ABL1: variants seen among roughly 807,000 people sequenced by gnomAD.
ABL1 encodes the protein ABL proto-oncogene 1, non-receptor tyrosine kinase.
Under a neutral mutation model 94.7 loss-of-function variants are expected in ABL1, and 11 were observed. The observed-to-expected ratio is 0.12, with a 90% confidence interval of 0.07 to 0.19. The LOEUF is 0.19. Ranked by LOEUF, ABL1 falls within the 10% of genes least tolerant of loss-of-function variation. The pLI is 1.00. For missense variants in ABL1, 1,082 were observed against 1,489.4 expected (o/e 0.73, Z 4.50); for synonymous variants, 656 against 622.4 (o/e 1.05, Z -0.80).
chr9:130,804,307 C>T (rs113638493), intron 1 of ABL1, among the ~76,000 whole-genome samples: 1 of 151,996 alleles, frequency 6.6e-6, no homozygotes, highest in Non-Finnish European at 1.5e-5. Flanking sequence ...CGGCAGTGAG[C>T]TCACACCAGT....
In ABL1 at chr9:130,886,544, G is replaced by A. The variant is rs1831587401; in HGVS notation, c.*861G>A. 8.6e-6 allele frequency: 2 copies of A among 232,748 alleles called. No homozygotes were observed. Among genetic ancestry groups the A allele is most frequent in the African/African-American group, 2.2e-5 (1 of 44,798 alleles). The allele number at this position is 232,748 out of a possible 1,614,324, so 14.4% of individuals were successfully genotyped here. ...CAGCAGAATGGAGGCAGGGGACAAG[G>A]GAGGCAGTGGCTAGTGGGGTGAACA... On this transcript the variant is annotated 3_prime_UTR_variant, in exon 11 of 11. Coordinates refer to ENST00000318560, the MANE Select transcript of ABL1 (RefSeq NM_005157.6).
chr9:130,879,099 A>G (rs775230262), intron 8 of ABL1, among the ~76,000 whole-genome samples: 2 of 151,406 alleles, frequency 1.3e-5, no homozygotes, highest in African/African-American at 2.4e-5. Flanking sequence ...CTGGTCTCCA[A>G]CTCCCAACCT....
chr9:130,783,312 T>G (rs1387181667), intron 1 of ABL1, among the ~76,000 whole-genome samples: 2 of 152,144 alleles, frequency 1.3e-5, no homozygotes, highest in African/African-American at 4.8e-5. Context: ...GGAGACCTGA[T>G]GAGATGGAGG....
At chr9:130,860,810 G>A (rs1831058166) in intron 3 of ABL1, among the ~76,000 whole-genome samples, 1 of 152,234 alleles carries the variant, frequency 6.6e-6, no homozygotes. Flanking sequence ...GCCACCGGCA[G>A]TGAAGTAATC....
In ABL1 at chr9:130,876,797, C is replaced by CGCG. The variant is rs1554770868; in HGVS notation, c.1271-1618_1271-1617insGCG. Among the ~76,000 whole-genome samples, 305 of 129,402 alleles carry CGCG rather than the reference C, an allele frequency of 2.4e-3. 12 individuals carry two copies. The highest frequency in any genetic ancestry group is 7.3e-3 in the African/African-American group (227 of 31,306). 84.9% of individuals were successfully genotyped at this position (129,402 alleles called of 152,430 possible). On this transcript the variant is annotated intron_variant, in intron 7 of 10. Transcript: ENST00000318560. ...TGTCGCCCAGGCTGGAGTGCAGTGG[C>CGCG]ATGATCTCAGCTCACTGCAAGCTCC...
At chr9:130,756,629 G>T (rs189373878) in intron 1 of ABL1, among the ~76,000 whole-genome samples, 19 of 152,250 alleles carry the variant, frequency 1.2e-4, no homozygotes, top group Admixed American at 7.8e-4. Context: ...AGAAGTTAGG[G>T]CTAGTGTGAG....
chr9:130,838,703 T>G (rs1281457029), intron 1 of ABL1, among the ~76,000 whole-genome samples: 1 of 152,242 alleles, frequency 6.6e-6, no homozygotes, highest in Non-Finnish European at 1.5e-5. Context: ...AATTTTCTGA[T>G]TATTTCTTTC....
At chr9:130,828,582 A>G (rs184252793) in intron 1 of ABL1, among the ~76,000 whole-genome samples, 82 of 152,264 alleles carry the variant, frequency 5.4e-4, no homozygotes, top group African/African-American at 1.9e-3. Flanking sequence ...AGAACAGGTA[A>G]GAAAATTAGA....
intron 1 of ABL1, among the ~76,000 whole-genome samples, chr9:130,846,542 G>A (rs1351041084): frequency 6.6e-6 from 1 of 152,190 alleles, no homozygotes; most frequent in Non-Finnish European, 1.5e-5. Flanking sequence ...ACACTGAACC[G>A]TCTCCAAGAA....
intron 1 of ABL1, among the ~76,000 whole-genome samples, chr9:130,763,511 C>G (rs1832143390): frequency 6.6e-6 from 1 of 152,060 alleles, no homozygotes; most frequent in Non-Finnish European, 1.5e-5. Flanking sequence ...CTTGTGGTCT[C>G]TCATGAGATT....
At position 130,886,837 on chromosome 9, in the gene ABL1, A is replaced by G. The variant is rs1302512638; in HGVS notation, c.*1154A>G. 4 of 233,072 alleles carry G rather than the reference A, an allele frequency of 1.7e-5. No individual in the cohort carries two copies. The East Asian group carries it at 2.4e-4, about 14-fold the overall frequency. 14.4% of individuals were successfully genotyped at this position (233,072 alleles called of 1,614,324 possible). On this transcript the variant is annotated 3_prime_UTR_variant, in exon 11 of 11. Coordinates refer to ENST00000318560, the MANE Select transcript of ABL1 (RefSeq NM_005157.6). The stretch of plus-strand genomic sequence containing the variant: ...GGGCACCTGCGCACAGGTGGGAGGA[A>G]AGGGCCTGGCCAGTCCTGGTCCTGG...
chr9:130,874,788 C>T, intron 6 of ABL1, 80 bp from the exon 7 acceptor site: 3 of 1,435,116 alleles, frequency 2.1e-6, no homozygotes, highest in Non-Finnish European at 2.9e-6. Context: ...GTCAGCATTG[C>T]ACCTTTGCTC....
At position 130,776,880 on chromosome 9, in the gene ABL1, C is replaced by T. The variant is rs543878227; in HGVS notation, c.136+62425C>T. Among the ~76,000 whole-genome samples, 3 of 152,278 alleles carry T rather than the reference C, an allele frequency of 2.0e-5. 1 individual carries two copies. The South Asian group carries it at 6.2e-4, about 32-fold the overall frequency. ...GCGCTGGGGATACAGGTGTGAGCCA[C>T]CATGCCTGGCCTCTTTACTCTTATT... is the stretch of plus-strand genomic sequence containing the variant. On this transcript the variant is annotated intron_variant, in intron 1 of 10. Coordinates refer to the ABL1 transcript ENST00000372348.
At chr9:130,822,484 G>A (rs1830374927) in intron 1 of ABL1, among the ~76,000 whole-genome samples, 1 of 117,736 alleles carries the variant, frequency 8.5e-6, no homozygotes, top group Non-Finnish European at 1.6e-5. Context: ...GTCTTGCTGT[G>A]TTGTTCAGGC....
intron 1 of ABL1, among the ~76,000 whole-genome samples, chr9:130,771,308 C>T (rs1443351723): frequency 2.6e-5 from 4 of 151,974 alleles, no homozygotes; most frequent in African/African-American, 9.7e-5. Context: ...TGGTCTTGAA[C>T]TCTTGGCCTC....
At chr9:130,713,078 G>T (rs1238413155) in exon 1 of ABL1, among the ~76,000 whole-genome samples, 6 of 152,228 alleles carry the variant, frequency 3.9e-5, no homozygotes, top group Non-Finnish European at 5.9e-5. Context: ...TGGTGTCTGT[G>T]CCTGAGCAGC....
chr9:130,844,895 A>C (rs2132936568), intron 1 of ABL1, among the ~76,000 whole-genome samples: 1 of 152,364 alleles, frequency 6.6e-6, no homozygotes, highest in East Asian at 1.9e-4. Context: ...TTCTTAAAAA[A>C]ATTAAATGCT....
intron 1 of ABL1, among the ~76,000 whole-genome samples, chr9:130,750,123 T>G (rs59340885): frequency 0.31 from 45,365 of 148,118 alleles, 9,755 homozygotes; most frequent in African/African-American, 0.58. Context: ...TGAGGCTGCA[T>G]TGAGCCATGA....
intron 1 of ABL1, among the ~76,000 whole-genome samples, chr9:130,823,218 A>C (rs1239856454): frequency 2.0e-5 from 3 of 152,142 alleles, no homozygotes; most frequent in Admixed American, 1.3e-4. Flanking sequence ...TAATATTTGA[A>C]TGTTTTTTAG....
Sources: gnomAD v4.1 joint callset for allele counts (sites outside exome capture counted in the v4.1 genomes callset) on GRCh38, gnomAD v4.1.1 for gene constraint, MANE v1.5 for transcripts, NCBI Gene and HGNC (gene_info 2026-07-23, HGNC 2026-07-21) for gene names.